CADM2: variants seen among roughly 807,000 people sequenced by gnomAD.
The protein encoded by CADM2 is cell adhesion molecule 2.
CADM2 carries 12 observed loss-of-function variants against 49.8 expected under a neutral mutation model. That is an observed-to-expected ratio of 0.24 (90% confidence interval 0.15 to 0.39). The LOEUF (loss-of-function observed/expected upper bound fraction) is 0.39. Among genes scored for constraint, CADM2 ranks in the 10% least tolerant of loss-of-function variants. The pLI is 1.00. For synonymous variants in CADM2, 214 were observed against 175.4 expected (o/e 1.22, Z -1.74); for missense variants, 378 against 492.3 (o/e 0.77, Z 2.20).
chr3:85,560,026 C>T (rs1043390691), intron 1 of CADM2, among the ~76,000 whole-genome samples: 13 of 152,084 alleles, frequency 8.5e-5, no homozygotes, highest in Non-Finnish European at 5.9e-5. Context: ...AGTCATAATT[C>T]CAATTTCAAG....
intron 8 of CADM2, among the ~76,000 whole-genome samples, chr3:86,020,789 T>C (rs1390257145): frequency 6.6e-6 from 1 of 152,040 alleles, no homozygotes; most frequent in Non-Finnish European, 1.5e-5. Context: ...ATTCAACAAC[T>C]CTTCATGCTA....
intron 3 of CADM2, among the ~76,000 whole-genome samples, chr3:85,861,456 G>A (rs968340334): frequency 5.3e-5 from 8 of 152,090 alleles, no homozygotes; most frequent in African/African-American, 1.9e-4. Context: ...GAAAATTTCA[G>A]GAGGAGAAAT....
At chr3:85,292,398 A>C (rs955103492) in intron 1 of CADM2, among the ~76,000 whole-genome samples, 41 of 150,944 alleles carry the variant, frequency 2.7e-4, no homozygotes, top group Non-Finnish European at 5.6e-4. Flanking sequence ...AAAGTCAACA[A>C]GGATACCCAG....
At chr3:85,384,496 T>C (rs1357226774) in intron 1 of CADM2, among the ~76,000 whole-genome samples, 1 of 151,986 alleles carries the variant, frequency 6.6e-6, no homozygotes, top group Non-Finnish European at 1.5e-5. Flanking sequence ...GTATTCTTAG[T>C]AGAGACGAGG....
At chr3:85,190,416 A>G (rs1342834894) in intron 1 of CADM2, among the ~76,000 whole-genome samples, 3 of 152,098 alleles carry the variant, frequency 2.0e-5, no homozygotes, top group African/African-American at 7.2e-5. Flanking sequence ...TTCATCTTAA[A>G]TGAGAGTTAG....
chr3:84,989,715 A>G (rs926026008), intron 1 of CADM2, among the ~76,000 whole-genome samples: 6 of 152,170 alleles, frequency 3.9e-5, no homozygotes, highest in Admixed American at 1.3e-4. Context: ...AAGTTCTTCA[A>G]TTGTAAATTT....
At chr3:85,000,027 G>T (rs894850756) in intron 1 of CADM2, among the ~76,000 whole-genome samples, 1 of 151,624 alleles carries the variant, frequency 6.6e-6, no homozygotes, top group African/African-American at 2.4e-5. Context: ...TAATGTTTAC[G>T]ATATTTACCG....
intron 1 of CADM2, among the ~76,000 whole-genome samples, chr3:85,541,958 G>A (rs17517121): frequency 0.51 from 77,511 of 151,044 alleles, 22,940 homozygotes; most frequent in East Asian, 0.85. Context: ...ACTTCTCATA[G>A]TCTTCTCTCA....
intron 1 of CADM2, among the ~76,000 whole-genome samples, chr3:85,480,936 T>C (rs1157963288): frequency 6.6e-6 from 1 of 151,712 alleles, no homozygotes; most frequent in Non-Finnish European, 1.5e-5. Flanking sequence ...ATATGAATAA[T>C]CCTTTTCTTT....
At chr3:86,064,451 A>T (rs1228312667) in intron 8 of CADM2, among the ~76,000 whole-genome samples, 1 of 152,098 alleles carries the variant, frequency 6.6e-6, no homozygotes, top group Non-Finnish European at 1.5e-5. Flanking sequence ...AATCCAGTCT[A>T]TCATTGTTGG....
intron 8 of CADM2, among the ~76,000 whole-genome samples, chr3:86,010,710 A>G (rs1314334837): frequency 6.6e-6 from 1 of 151,480 alleles, no homozygotes; most frequent in Non-Finnish European, 1.5e-5. Flanking sequence ...TAATAAAGAT[A>G]AAATTAGAAA....
chr3:85,957,251 G>A (rs909077648), intron 7 of CADM2, among the ~76,000 whole-genome samples: 1 of 151,482 alleles, frequency 6.6e-6, no homozygotes, highest in Non-Finnish European at 1.5e-5. Context: ...TAATAATTTG[G>A]CTTTTATTAA....
At chr3:85,146,943 A>AG (rs540391330) in intron 1 of CADM2, among the ~76,000 whole-genome samples, 66 of 152,088 alleles carry the variant, frequency 4.3e-4, no homozygotes, top group Middle Eastern at 3.4e-3. Flanking sequence ...TAGTGGATTA[A>AG]GGGGGGAAAA....
In CADM2 at chr3:85,657,258, C is replaced by T. The variant is rs115278918; in HGVS notation, c.62-69264C>T. ...AAACCCAGATGTGAATAATTATTTT[C>T]ACTTATTTGAGTTTTCAGCTTTGGT... On this transcript the variant is annotated intron_variant, in intron 1 of 9. Transcript: ENST00000383699. Among the ~76,000 whole-genome samples the T allele has an allele frequency of 3.6e-3, 546 of 152,222 alleles. 7 individuals carry two copies. The highest frequency in any genetic ancestry group is 0.011 in the African/African-American group (455 of 41,542).
intron 2 of CADM2, among the ~76,000 whole-genome samples, chr3:85,737,257 C>A (rs555485817): frequency 1.5e-4 from 23 of 152,180 alleles, no homozygotes; most frequent in Middle Eastern, 6.8e-3. Context: ...TAAAGTAGTT[C>A]TTGTCTGTAT....
chr3:85,365,448 T>C (rs2032700543), intron 1 of CADM2, among the ~76,000 whole-genome samples: 1 of 152,160 alleles, frequency 6.6e-6, no homozygotes, highest in Admixed American at 6.5e-5. Context: ...TGACTAAAAA[T>C]ATTGGCCCAT....
chr3:85,132,745 G>A (rs2039275236), intron 1 of CADM2, among the ~76,000 whole-genome samples: 1 of 152,078 alleles, frequency 6.6e-6, no homozygotes, highest in Admixed American at 6.5e-5. Flanking sequence ...AATGCAAAAT[G>A]TTCCTCTATA....
chr3:84,983,928 A>G (rs2032366546), intron 1 of CADM2, among the ~76,000 whole-genome samples: 2 of 152,110 alleles, frequency 1.3e-5, no homozygotes, highest in South Asian at 4.1e-4. Context: ...TGTGATATAC[A>G]TAGGTGGACA....
chr3:85,061,795 C>T (rs1046626428), intron 1 of CADM2, among the ~76,000 whole-genome samples: 6 of 152,040 alleles, frequency 3.9e-5, no homozygotes, highest in East Asian at 3.9e-4. Context: ...GCAATGTAGT[C>T]GATATATACA....
Sources: allele counts gnomAD v4.1 joint callset (sites outside exome capture counted in the v4.1 genomes callset), GRCh38; gene constraint gnomAD v4.1.1; transcripts MANE v1.5; gene names NCBI Gene and HGNC (gene_info 2026-07-23, HGNC 2026-07-21).